The following ZNF516 variants were observed in gnomAD, a reference collection of about 807,000 sequenced individuals.
ZNF516 encodes zinc finger protein 516.
ZNF516 carries 19 observed loss-of-function variants against 79.7 expected under a neutral mutation model. The observed-to-expected ratio is 0.24, with a 90% CI of 0.17 to 0.35. The LOEUF (loss-of-function observed/expected upper bound fraction) is 0.35. ZNF516 is among the 10% of genes least tolerant of loss of function. ZNF516 has a pLI of 1.00. For missense variants in ZNF516, 1,678 were observed against 1,679.5 expected (o/e 1.00, Z 0.02); for synonymous variants, 877 against 739.5 (o/e 1.19, Z -3.02).
At chr18:76,464,535 G>C (rs1913330940) in intron 1 of ZNF516, among the ~76,000 whole-genome samples, 1 of 152,232 alleles carries the variant, frequency 6.6e-6, no homozygotes. Context: ...GTGATGCGCA[G>C]TGATAGGGGA....
rs1267251810 is a variant in ZNF516 at position 76,370,531 on chromosome 18, T to C, written c.3429A>G (p.Lys1143=). The C allele has an allele frequency of 2.5e-6, 4 of 1,606,522 alleles. No homozygotes were observed. Among genetic ancestry groups the C allele is most frequent in the African/African-American group, 2.7e-5 (2 of 74,668 alleles). Residue 1143 remains lysine, a synonymous_variant, in exon 6 of 7, where the codon AAA becomes AAG. Coordinates refer to ENST00000443185, the MANE Select transcript of ZNF516 (RefSeq NM_014643.4). ...EVHTTSADAP[K]QGRDHSNTGT... is the part of the protein sequence containing the mutation. ...TCCAATTCATCATGAGACCTACTTGTTTGGGGGCGTCTGCGGAGGTGGTAT... is the reference window on the plus strand; with the variant it reads ...TCCAATTCATCATGAGACCTACTTGCTTGGGGGCGTCTGCGGAGGTGGTAT...
intron 3 of ZNF516, among the ~76,000 whole-genome samples, chr18:76,436,153 C>T (rs551366986): frequency 6.6e-6 from 1 of 152,362 alleles, no homozygotes; most frequent in East Asian, 1.9e-4. Context: ...CTAAGGGGGG[C>T]TGGCCTTCTG....
intron 6 of ZNF516, among the ~76,000 whole-genome samples, chr18:76,368,017 G>A (rs2074644117): frequency 6.6e-6 from 1 of 152,072 alleles, no homozygotes; most frequent in Non-Finnish European, 1.5e-5. Context: ...CACAGGAAAA[G>A]AATCCGATTT....
At chr18:76,407,751 C>T (rs978066648) in intron 3 of ZNF516, among the ~76,000 whole-genome samples, 1 of 152,244 alleles carries the variant, frequency 6.6e-6, no homozygotes, top group African/African-American at 2.4e-5. Context: ...AGCTACAGCC[C>T]GCAAGAAACA....
intron 3 of ZNF516, among the ~76,000 whole-genome samples, chr18:76,405,586 T>C (rs914841581): frequency 6.6e-6 from 1 of 152,020 alleles, no homozygotes; most frequent in African/African-American, 2.4e-5. Context: ...CCTTTCACTT[T>C]CGGGGCACCC....
chr18:76,482,948 T>A (rs1293396192), intron 1 of ZNF516, among the ~76,000 whole-genome samples: 1 of 152,190 alleles, frequency 6.6e-6, no homozygotes, highest in African/African-American at 2.4e-5. Flanking sequence ...GGTAGCAAAA[T>A]CACCTAGTAT....
intron 1 of ZNF516, chr18:76,490,967 A>AC: frequency 1.0e-6 from 1 of 984,198 alleles, no homozygotes; most frequent in Non-Finnish European, 1.2e-6. Context: ...AGAACACAAA[A>AC]CCCCCACGCA....
Position 76,466,626 on chromosome 18 carries a change from A to G in ZNF516, c.-271-3485T>C, listed in dbSNP as rs532886454. On this transcript the variant is annotated intron_variant, in intron 1 of 6. Coordinates refer to ENST00000443185, the MANE Select transcript of ZNF516 (RefSeq NM_014643.4). Reference sequence around the variant, plus strand: ...AGTCAAGGAGAAAGGCACTCTGTGGACAGGCTCTCTAGACAGCGTGGCACA... The same window carrying G: ...AGTCAAGGAGAAAGGCACTCTGTGGGCAGGCTCTCTAGACAGCGTGGCACA... Among the ~76,000 whole-genome samples the G allele has an allele frequency of 2.6e-5, 4 of 152,348 alleles. No individual in the cohort carries two copies. The South Asian group carries it at 8.3e-4, about 32-fold the overall frequency.
At chr18:76,365,379 AAAT>A (rs2074598357) in intron 6 of ZNF516, among the ~76,000 whole-genome samples, 1 of 152,228 alleles carries the variant, frequency 6.6e-6, no homozygotes, top group Admixed American at 6.5e-5. Flanking sequence ...TTGGTTTCAA[AAAT>A]CATTTTAATT....
Position 76,362,341 on chromosome 18 carries a change from C to T in ZNF516, c.*157G>A. On this transcript the variant is annotated 3_prime_UTR_variant, in exon 7 of 7. Coordinates refer to ENST00000443185, the MANE Select transcript of ZNF516 (RefSeq NM_014643.4). ...GAGAGGCATCTGCCTTCAGTTTCCA[C>T]TCCAGCGCAGCGGCTCGGGATGTGA... 1 of 599,612 alleles carries T rather than the reference C, an allele frequency of 1.7e-6. No homozygotes were observed. Among genetic ancestry groups the T allele is most frequent in the Non-Finnish European group, 3.0e-6 (1 of 337,942 alleles). The allele number at this position is 599,612 out of a possible 1,614,324, so 37.1% of individuals were successfully genotyped here.
Position 76,361,875 on chromosome 18 carries a change from C to A in ZNF516, c.*623G>T, listed in dbSNP as rs1054030523. 2 of 152,238 alleles carry A rather than the reference C, an allele frequency of 1.3e-5. No homozygotes were observed. The highest frequency in any genetic ancestry group is 2.9e-5 in the Non-Finnish European group (2 of 68,086). The allele number at this position is 152,238 out of a possible 1,614,324, so 9.4% of individuals were successfully genotyped here. On this transcript the variant is annotated 3_prime_UTR_variant, in exon 7 of 7. Transcript: ENST00000443185. ...GGAGGAGTGCGATGGAGCCAGTGAA[C>A]AATGAGGGTCTCATCATCATACCCC... is the stretch of plus-strand genomic sequence containing the variant.
At chr18:76,418,173 ACG>A (rs2075457121) in intron 3 of ZNF516, among the ~76,000 whole-genome samples, 1 of 152,082 alleles carries the variant, frequency 6.6e-6, no homozygotes, top group African/African-American at 2.4e-5. Flanking sequence ...ACTGTAACAC[ACG>A]CTGCAACACA....
chr18:76,363,375 A>G (rs1238895801), intron 6 of ZNF516, among the ~76,000 whole-genome samples: 2 of 152,212 alleles, frequency 1.3e-5, no homozygotes, highest in African/African-American at 4.8e-5. Flanking sequence ...GCCTATAGGA[A>G]CCCCAGAAAT....
At chr18:76,403,865 T>C (rs1470994808) in intron 3 of ZNF516, among the ~76,000 whole-genome samples, 2 of 152,186 alleles carry the variant, frequency 1.3e-5, no homozygotes, top group African/African-American at 4.8e-5. Flanking sequence ...ATGAAATACT[T>C]ATGATTTTTA....
intron 3 of ZNF516, among the ~76,000 whole-genome samples, chr18:76,420,398 C>A (rs548772098): frequency 2.0e-4 from 31 of 152,292 alleles, no homozygotes; most frequent in African/African-American, 7.2e-4. Context: ...CTGTAAAGGT[C>A]ATCTTACCAT....
At chr18:76,452,991 G>A (rs1912509309) in intron 2 of ZNF516, among the ~76,000 whole-genome samples, 1 of 152,280 alleles carries the variant, frequency 6.6e-6, no homozygotes, top group African/African-American at 2.4e-5. Context: ...AGAAGGGAAG[G>A]AGCCTCGTTC....
chr18:76,389,508 C>A (rs1222742113), intron 3 of ZNF516: 1 of 152,200 alleles, frequency 6.6e-6, no homozygotes. Flanking sequence ...CAGGGACAGA[C>A]CTTCCATCCG....
At chr18:76,414,211 T>C (rs1013276337) in intron 3 of ZNF516, among the ~76,000 whole-genome samples, 16 of 152,226 alleles carry the variant, frequency 1.1e-4, no homozygotes, top group Admixed American at 9.2e-4. Context: ...TACAATCCAG[T>C]TGTTTAAAAA....
intron 3 of ZNF516, among the ~76,000 whole-genome samples, chr18:76,428,241 A>T (rs908522094): frequency 6.6e-5 from 10 of 152,082 alleles, no homozygotes; most frequent in African/African-American, 2.4e-4. Context: ...CAAAAAAAAA[A>T]AATTAGCCGG....
Sources: allele counts gnomAD v4.1 joint callset (sites outside exome capture counted in the v4.1 genomes callset), GRCh38; gene constraint gnomAD v4.1.1; transcripts MANE v1.5; gene names NCBI Gene and HGNC (gene_info 2026-07-23, HGNC 2026-07-21).